CELF2: variants seen among roughly 807,000 people sequenced by gnomAD.
CELF2 encodes CUG triplet repeat RNA-binding protein 2.
A neutral mutation model predicts 62.6 loss-of-function variants in CELF2; 8 were observed. That is an observed-to-expected ratio of 0.13 (90% confidence interval 0.07 to 0.23). CELF2 has a LOEUF of 0.23. Among genes scored for constraint, CELF2 ranks in the 10% least tolerant of loss-of-function variants. CELF2 has a pLI of 1.00. For synonymous variants in CELF2, 258 were observed against 250.0 expected, an observed-to-expected ratio of 1.03 and a Z score of -0.30; for missense variants, 333 against 671.0, an observed-to-expected ratio of 0.50 and a Z score of 5.56.
chr10:10,728,911 C>T, the CELF2 span, among the ~76,000 whole-genome samples: 1 of 152,258 alleles, frequency 6.6e-6, no homozygotes, highest in South Asian at 2.1e-4. Context: ...AATTGATTGC[C>T]TTAACAAGGT....
In CELF2 at chr10:11,010,335, C is replaced by T. The variant is rs1416556721; in HGVS notation, c.53+4895C>T. 6.6e-6 allele frequency: 1 copy of T among 152,248 alleles called. No individual in the cohort carries two copies. The highest frequency in any genetic ancestry group is 1.9e-4 in the East Asian group (1 of 5,194). The allele number at this position is 152,248 out of a possible 1,614,324, so 9.4% of individuals were successfully genotyped here. ...TCCCTCTTCCCTCTGGGTCTGGCTA[C>T]AGGCCTTAGAAGTATCAGTGGAAAC... On this transcript the variant is annotated intron_variant, in intron 1 of 12. Coordinates refer to the CELF2 transcript ENST00000416382. The surrounding 1 kb of genome is among the most constrained non-coding windows in gnomAD (Gnocchi z 4.1).
chr10:11,212,305 T>C (rs2062047810), intron 2 of CELF2, among the ~76,000 whole-genome samples: 1 of 152,162 alleles, frequency 6.6e-6, no homozygotes, highest in South Asian at 2.1e-4. Context: ...TTCTTGCTGC[T>C]TCATGGCTGC....
chr10:10,789,223 G>A, the CELF2 span, among the ~76,000 whole-genome samples: 1 of 152,104 alleles, frequency 6.6e-6, no homozygotes, highest in Non-Finnish European at 1.5e-5. Flanking sequence ...TGCAGTCCTG[G>A]TAGCAATACA....
chr10:10,669,445 A>T, the CELF2 span, among the ~76,000 whole-genome samples: 11 of 152,250 alleles, frequency 7.2e-5, no homozygotes, highest in East Asian at 3.8e-4. Context: ...ACTGGAGAGC[A>T]GAACGTCAGC....
At chr10:11,073,575 C>T (rs2070843633) in intron 1 of CELF2, among the ~76,000 whole-genome samples, 1 of 152,192 alleles carries the variant, frequency 6.6e-6, no homozygotes, top group Admixed American at 6.5e-5. Flanking sequence ...ATATGTCAGG[C>T]ACTGTGCCTA....
rs2071426854 is a variant in CELF2, at chr10:11,075,060, CTT to C, written c.74+56898_74+56899del. The C allele has an allele frequency of 6.6e-6, 1 of 152,304 alleles. No homozygotes were observed. Among genetic ancestry groups the C allele is most frequent in the African/African-American group, 2.4e-5 (1 of 41,570 alleles). The allele number at this position is 152,304 out of a possible 1,614,324, so 9.4% of individuals were successfully genotyped here. On this transcript the variant is annotated intron_variant, in intron 1 of 12. Coordinates refer to ENST00000633077, the MANE Select transcript of CELF2 (RefSeq NM_001326342.2). The surrounding 1 kb of genome is among the most constrained non-coding windows in gnomAD (Gnocchi z 5.4). ...GGAATTGAAAGATGCTTTCGATTCT[CTT>C]GTTTCCTCTTGTCACTATGGGAAAA...
the CELF2 span, among the ~76,000 whole-genome samples, chr10:10,657,129 G>T: frequency 3.3e-5 from 5 of 152,020 alleles, no homozygotes; most frequent in Admixed American, 2.0e-4. Flanking sequence ...AAAAAATTTG[G>T]TTAAGTTAAA....
the CELF2 span, among the ~76,000 whole-genome samples, chr10:10,559,423 T>A: frequency 4.1e-4 from 63 of 152,296 alleles, no homozygotes; most frequent in South Asian, 3.5e-3. Context: ...GTTACAAGGG[T>A]TCTGGATAAT....
At position 11,336,172 on chromosome 10, in the gene CELF2, A is replaced by G. The variant is rs2096115519; in HGVS notation, c.*7119A>G. 1 of 152,696 alleles carries G rather than the reference A, an allele frequency of 6.5e-6. No homozygotes were observed. Among genetic ancestry groups the G allele is most frequent in the South Asian group, 2.1e-4 (1 of 4,838 alleles). 9.5% of individuals were successfully genotyped at this position (152,696 alleles called of 1,614,324 possible). On this transcript the variant is annotated 3_prime_UTR_variant, in exon 13 of 13. Coordinates refer to ENST00000633077, the MANE Select transcript of CELF2 (RefSeq NM_001326342.2). The surrounding 1 kb of genome is among the most constrained non-coding windows in gnomAD (Gnocchi z 5.4). ...TCTTAGCTGGCAGGCTAGGACACAC[A>G]GTGAACATTAATGTACTGTGAATCG...
chr10:11,059,907 A>T (rs2066299855), intron 1 of CELF2, among the ~76,000 whole-genome samples: 1 of 152,244 alleles, frequency 6.6e-6, no homozygotes. Flanking sequence ...GATAGGTTTC[A>T]ACTTTCACAC....
chr10:10,571,239 T>A, the CELF2 span, among the ~76,000 whole-genome samples: 9 of 152,082 alleles, frequency 5.9e-5, no homozygotes, highest in Admixed American at 2.0e-4. Flanking sequence ...GTTGAAGACA[T>A]TAGAGCATTT....
At chr10:10,749,365 G>A in the CELF2 span, among the ~76,000 whole-genome samples, 2 of 152,126 alleles carry the variant, frequency 1.3e-5, no homozygotes, top group Non-Finnish European at 2.9e-5. Context: ...CAAGCTGAGG[G>A]TACTAAGTGG....
At chr10:10,701,769 C>A in the CELF2 span, among the ~76,000 whole-genome samples, 6 of 152,194 alleles carry the variant, frequency 3.9e-5, no homozygotes, top group South Asian at 2.1e-4. Context: ...AGAACCACGT[C>A]CCATTTTCCA....
the CELF2 span, among the ~76,000 whole-genome samples, chr10:10,500,223 T>C: frequency 5.3e-5 from 8 of 152,322 alleles, no homozygotes; most frequent in East Asian, 1.2e-3. Flanking sequence ...GTTGAACTTT[T>C]TATTTTGAGA....
At chr10:11,044,246 T>C (rs1019290662) in intron 1 of CELF2, among the ~76,000 whole-genome samples, 6 of 152,238 alleles carry the variant, frequency 3.9e-5, no homozygotes, top group Admixed American at 3.9e-4. Flanking sequence ...CTTTTCCGTA[T>C]TGTCTACTGG....
chr10:10,788,038 A>G, the CELF2 span, among the ~76,000 whole-genome samples: 3 of 152,326 alleles, frequency 2.0e-5, no homozygotes, highest in Non-Finnish European at 4.4e-5. Flanking sequence ...ATCACCTAGA[A>G]ATACTTGAGG....
At position 11,249,032 on chromosome 10, in the gene CELF2, G is replaced by C. The variant is rs2076395886; in HGVS notation, c.355-121G>C. ...TTTAACATAGTTAATAGTACCTGGA[G>C]AAGTCTTGTTGTCACTTATGTGCCC... On this transcript the variant is annotated intron_variant, in intron 3 of 12. Coordinates refer to ENST00000633077, the MANE Select transcript of CELF2 (RefSeq NM_001326342.2). 9.4e-6 allele frequency: 7 copies of C among 745,930 alleles called. No homozygotes were observed. The East Asian group carries it at 1.8e-4, about 19-fold the overall frequency. 46.2% of individuals were successfully genotyped at this position (745,930 alleles called of 1,614,324 possible). A position where few individuals can be genotyped will look rare whatever the true frequency, so the allele number is the denominator to read the frequency against.
chr10:10,887,063 G>A lies in CELF2; in HGVS notation c.54-32901G>A, dbSNP rs538521742. Among the ~76,000 whole-genome samples the A allele has an allele frequency of 3.2e-4, 49 of 152,106 alleles. No homozygotes were observed. The East Asian group carries it at 6.2e-3, about 19-fold the overall frequency. On this transcript the variant is annotated intron_variant, in intron 1 of 13. Transcript: ENST00000636488. ...GTCTCTCATGCATTAACTCCCTGTC[G>A]CCAGGTCTAAAATAACCGGGGACTG...
chr10:11,207,889 G>A lies in CELF2; in HGVS notation c.272-9536G>A, dbSNP rs1365851511. Among the ~76,000 whole-genome samples, 2 of 152,120 alleles carry A rather than the reference G, an allele frequency of 1.3e-5. No homozygotes were observed. Among genetic ancestry groups the A allele is most frequent in the Admixed American group, 6.5e-5 (1 of 15,284 alleles). On this transcript the variant is annotated intron_variant, in intron 2 of 12. Transcript: ENST00000633077. This position sits in a 1 kb window ranked among gnomAD's most constrained non-coding sequence, Gnocchi z 4.1. ...CTAGCTATGGAAGTCCCATTTTTAG[G>A]TGGGGAAAAAAGGGTTGTGTTAGGT...
Sources: allele counts gnomAD v4.1 joint callset (sites outside exome capture counted in the v4.1 genomes callset), GRCh38; gene constraint gnomAD v4.1.1; non-coding constraint Gnocchi (gnomAD v3.1); transcripts MANE v1.5; gene names NCBI Gene and HGNC (gene_info 2026-07-23, HGNC 2026-07-21).